Variants in C9orf40 observed in about 807,000 individuals in gnomAD.
C9orf40 encodes the protein uncharacterized protein C9orf40.
Under a neutral mutation model 7.9 loss-of-function variants are expected in C9orf40, and 2 were observed. That is an observed-to-expected ratio of 0.25 (90% CI 0.10 to 0.80). C9orf40 has a LOEUF of 0.80. C9orf40 is among the 30% of genes least tolerant of loss of function. C9orf40 has a pLI of 0.68. For missense variants in C9orf40, 256 were observed against 268.5 expected, an observed-to-expected ratio of 0.95 and a Z score of 0.33; for synonymous variants, 113 against 117.6, an observed-to-expected ratio of 0.96 and a Z score of 0.25.
At position 74,952,762 on chromosome 9, in the gene C9orf40, CAGCTCGCGCAGGG is replaced by C; in HGVS notation, c.-164_-152del. On this transcript the variant is annotated 5_prime_UTR_variant, in exon 1 of 2. Transcript: ENST00000376854. This position sits in a 1 kb window ranked among gnomAD's most constrained non-coding sequence, Gnocchi z 5.4. Reference sequence around the variant, plus strand: ...GGACGCTGGAGGGGGTAGGGCGGGGCAGCTCGCGCAGGGCCTAGGGCTGGGGCTCCGGCTCGGA... The same window carrying C: ...GGACGCTGGAGGGGGTAGGGCGGGGCCCTAGGGCTGGGGCTCCGGCTCGGA... The C allele has an allele frequency of 1.5e-6, 1 of 663,534 alleles. No homozygotes were observed. The highest frequency in any genetic ancestry group is 2.4e-6 in the Non-Finnish European group (1 of 411,260). The allele number at this position is 663,534 out of a possible 1,614,324, so 41.1% of individuals were successfully genotyped here. A position where few individuals can be genotyped will look rare whatever the true frequency, so the allele number is the denominator to read the frequency against.
Position 74,952,387 on chromosome 9 carries a change from G to T in C9orf40, c.225C>A (p.Asp75Glu). The change falls in exon 1 of 2, where the codon GAC becomes GAA. Residue 75 changes from aspartate (D) to glutamate (E), a missense_variant. Transcript: ENST00000376854. The surrounding 1 kb of genome is among the most constrained non-coding windows in gnomAD (Gnocchi z 5.4). ...EPSASPSKRRDSGDNSAPSGQ... is the reference protein window; with the variant it reads ...EPSASPSKRRESGDNSAPSGQ... The stretch of plus-strand genomic sequence containing the variant: ...CGCTCGGGGCGCTGTTGTCCCCGCT[G>T]TCACGGCGCTTGCTGGGCGAAGCCG... 6.3e-7 allele frequency: 1 copy of T among 1,576,440 alleles called. No homozygotes were observed.
rs549664253 is a variant in C9orf40 at position 74,948,131 on chromosome 9, T to C, written c.502A>G (p.Ile168Val). 21 of 1,613,924 alleles carry C rather than the reference T, an allele frequency of 1.3e-5. No homozygotes were observed. The East Asian group carries it at 2.5e-4, about 19-fold the overall frequency. ...AGGGTGTCTTCACTTAAATCTTCAA[T>C]GTCTGCCAGATCAATAGGAGGCAAA... Reference protein sequence around the residue: ...NPLPPIDLADIEDLSEDTLTE... With the variant: ...NPLPPIDLADVEDLSEDTLTE... Residue 168 changes from isoleucine to valine, a missense_variant, in exon 2 of 2, where the codon ATT becomes GTT. Physicochemically the swap from Ile to Val is conservative, Grantham distance 29 (BLOSUM62 3). Transcript: ENST00000376854.
chr9:74,949,347 A>T (rs1365133981), intron 1 of C9orf40, among the ~76,000 whole-genome samples: 1 of 152,218 alleles, frequency 6.6e-6, no homozygotes, highest in Non-Finnish European at 1.5e-5. Flanking sequence ...CAACAAAGCA[A>T]GACTCCATCT....
rs148219750 is a variant in C9orf40, at chr9:74,952,413, A to C, written c.199T>G (p.Ser67Ala). ...TCACGGCGCTTGCTGGGCGAAGCCG[A>C]GGGCTCTGCCATGGTCCCTGCGTCG... ...KIDAGTMAEP[S>A]ASPSKRRDSG... The change falls in exon 1 of 2, where the codon TCG becomes GCG. Residue 67 changes from serine to alanine, a missense_variant. Ser to Ala is a moderately conservative substitution (Grantham distance 99). Coordinates refer to ENST00000376854, the MANE Select transcript of C9orf40 (RefSeq NM_017998.3). This position sits in a 1 kb window ranked among gnomAD's most constrained non-coding sequence, Gnocchi z 5.4. The C allele has an allele frequency of 2.2e-5, 35 of 1,590,358 alleles. No individual in the cohort carries two copies. The highest frequency in any genetic ancestry group is 3.0e-5 in the Non-Finnish European group (35 of 1,174,598).
rs896785919 is a variant in C9orf40, at chr9:74,952,253, C to T, written c.359G>A (p.Gly120Asp). ...GCGCCCCGCCCCGTCGTCGCCACCG[C>T]CCCCCGGGAGCCGGGCGCCCGGGAG... is the stretch of plus-strand genomic sequence containing the variant. The part of the protein sequence containing the change: ...EELPGARLPG[G>D]GGDDGAGRAG... The change falls in exon 1 of 2, where the codon GGC becomes GAC. Residue 120 changes from glycine to aspartate, a missense_variant. Transcript: ENST00000376854. The surrounding 1 kb of genome is among the most constrained non-coding windows in gnomAD (Gnocchi z 5.4). 9 of 1,264,732 alleles carry T rather than the reference C, an allele frequency of 7.1e-6. No homozygotes were observed. Among genetic ancestry groups the T allele is most frequent in the Middle Eastern group, 3.0e-4 (1 of 3,344 alleles). The allele number at this position is 1,264,732 out of a possible 1,614,324, so 78.3% of individuals were successfully genotyped here. A position where few individuals can be genotyped will look rare whatever the true frequency, so the allele number is the denominator to read the frequency against.
At chr9:74,950,897 T>G (rs2118679555) in intron 1 of C9orf40, among the ~76,000 whole-genome samples, 1 of 152,310 alleles carries the variant, frequency 6.6e-6, no homozygotes, top group African/African-American at 2.4e-5. Context: ...AATAAATATA[T>G]AATGCTCCAA....
Position 74,952,163 on chromosome 9 carries a change from G to GGCCCCC in C9orf40, c.426+22_426+23insGGGGGC. On this transcript the variant is annotated intron_variant, in intron 1 of 1. Transcript: ENST00000376854. This position sits in a 1 kb window ranked among gnomAD's most constrained non-coding sequence, Gnocchi z 5.4. ...AAAAGGCAAGCCCCTTCGCCCCTCAGCCCACCCGCCCCCAGCCCCTACCTG... is the reference window on the plus strand; with the variant it reads ...AAAAGGCAAGCCCCTTCGCCCCTCAGGCCCCCCCCACCCGCCCCCAGCCCCTACCTG... 27 of 351,716 alleles carry GGCCCCC rather than the reference G, an allele frequency of 7.7e-5. No homozygotes were observed. The highest frequency in any genetic ancestry group is 8.8e-4 in the Middle Eastern group (1 of 1,140). 21.8% of individuals were successfully genotyped at this position (351,716 alleles called of 1,614,324 possible). A position where few individuals can be genotyped will look rare whatever the true frequency, so the allele number is the denominator to read the frequency against.
chr9:74,949,138 G>C (rs1243782502), intron 1 of C9orf40, among the ~76,000 whole-genome samples: 1 of 152,132 alleles, frequency 6.6e-6, no homozygotes, highest in Non-Finnish European at 1.5e-5. Context: ...ATTCAGGCTT[G>C]GCATAGTAAT....
In C9orf40 at chr9:74,948,043, T is replaced by C; in HGVS notation, c.*5A>G. The C allele has an allele frequency of 1.2e-6, 2 of 1,612,170 alleles. No homozygotes were observed. The highest frequency in any genetic ancestry group is 1.7e-5 in the Admixed American group (1 of 59,630). ...CAGCCAATCCCACTGCTTCGGCTCC[T>C]TACATCAGGACTCCATGTCAACCTC... On this transcript the variant is annotated 3_prime_UTR_variant, in exon 2 of 2. Coordinates refer to ENST00000376854, the MANE Select transcript of C9orf40 (RefSeq NM_017998.3).
intron 1 of C9orf40, among the ~76,000 whole-genome samples, chr9:74,949,203 G>C (rs1386575495): frequency 6.6e-6 from 1 of 152,094 alleles, no homozygotes; most frequent in Non-Finnish European, 1.5e-5. Context: ...ATTAATCACT[G>C]TCTCCTTAGA....
Position 74,952,697 on chromosome 9 carries a change from G to T in C9orf40, c.-86C>A. ...GGGGCGAAGAGCGAGGACTGAGCGCGTGAGAGAGGGACAGGCCGAAGTCGG... is the reference window on the plus strand; with the variant it reads ...GGGGCGAAGAGCGAGGACTGAGCGCTTGAGAGAGGGACAGGCCGAAGTCGG... On this transcript the variant is annotated 5_prime_UTR_variant, in exon 1 of 2. Coordinates refer to ENST00000376854, the MANE Select transcript of C9orf40 (RefSeq NM_017998.3). This position sits in a 1 kb window ranked among gnomAD's most constrained non-coding sequence, Gnocchi z 5.4. The T allele has an allele frequency of 7.8e-7, 1 of 1,281,258 alleles. No individual in the cohort carries two copies. Among genetic ancestry groups the T allele is most frequent in the South Asian group, 1.4e-5 (1 of 69,058 alleles). 79.4% of individuals were successfully genotyped at this position (1,281,258 alleles called of 1,614,324 possible).
At position 74,952,171 on chromosome 9, in the gene C9orf40, G is replaced by A. The variant is rs889473138; in HGVS notation, c.426+15C>T. The A allele has an allele frequency of 1.8e-5, 3 of 164,576 alleles. No individual in the cohort carries two copies. The highest frequency in any genetic ancestry group is 3.1e-5 in the Non-Finnish European group (3 of 97,246). The allele number at this position is 164,576 out of a possible 1,614,324, so 10.2% of individuals were successfully genotyped here. A position where few individuals can be genotyped will look rare whatever the true frequency, so the allele number is the denominator to read the frequency against. ...AGCCCCTTCGCCCCTCAGCCCACCC[G>A]CCCCCAGCCCCTACCTGGCGCGATG... On this transcript the variant is annotated intron_variant, in intron 1 of 1. Coordinates refer to ENST00000376854, the MANE Select transcript of C9orf40 (RefSeq NM_017998.3). This position sits in a 1 kb window ranked among gnomAD's most constrained non-coding sequence, Gnocchi z 5.4.
At position 74,952,087 on chromosome 9, in the gene C9orf40, T is replaced by C; in HGVS notation, c.426+99A>G. ...CCTTCTTTCAACCCCCTCAGGCGTC[T>C]TAACCTACACAAGTCATGAGTGGGA... On this transcript the variant is annotated intron_variant, in intron 1 of 1. Transcript: ENST00000376854. This position sits in a 1 kb window ranked among gnomAD's most constrained non-coding sequence, Gnocchi z 5.4. 1 of 457,100 alleles carries C rather than the reference T, an allele frequency of 2.2e-6. No homozygotes were observed. The highest frequency in any genetic ancestry group is 3.6e-6 in the Non-Finnish European group (1 of 276,344). The allele number at this position is 457,100 out of a possible 1,614,324, so 28.3% of individuals were successfully genotyped here.
At chr9:74,948,987 G>A (rs1832272242) in intron 1 of C9orf40, among the ~76,000 whole-genome samples, 1 of 152,124 alleles carries the variant, frequency 6.6e-6, no homozygotes, top group South Asian at 2.1e-4. Context: ...CCAAAAAAAG[G>A]TCTTTTAATT....
chr9:74,947,114 G>C lies in C9orf40; in HGVS notation c.*934C>G, dbSNP rs547154144. 6.6e-6 allele frequency: 1 copy of C among 152,536 alleles called. No individual in the cohort carries two copies. Among genetic ancestry groups the C allele is most frequent in the South Asian group, 2.1e-4 (1 of 4,832 alleles). 9.4% of individuals were successfully genotyped at this position (152,536 alleles called of 1,614,324 possible). A position where few individuals can be genotyped will look rare whatever the true frequency, so the allele number is the denominator to read the frequency against. ...GTTATCTCCTTTAAACAGGAAAAAC[G>C]ACCATTAGTCTACTGGTTCTCAACC... On this transcript the variant is annotated 3_prime_UTR_variant, in exon 2 of 2. Coordinates refer to ENST00000376854, the MANE Select transcript of C9orf40 (RefSeq NM_017998.3).
intron 1 of C9orf40, among the ~76,000 whole-genome samples, chr9:74,949,900 G>A (rs1487400926): frequency 2.6e-5 from 4 of 151,994 alleles, no homozygotes; most frequent in Non-Finnish European, 4.4e-5. Flanking sequence ...AGTGGCTCAC[G>A]CCTGTAATCC....
At position 74,952,162 on chromosome 9, in the gene C9orf40, A is replaced by T; in HGVS notation, c.426+24T>A. The T allele has an allele frequency of 2.5e-6, 1 of 399,272 alleles. No individual in the cohort carries two copies. The highest frequency in any genetic ancestry group is 4.0e-6 in the Non-Finnish European group (1 of 252,760). The allele number at this position is 399,272 out of a possible 1,614,324, so 24.7% of individuals were successfully genotyped here. On this transcript the variant is annotated intron_variant, in intron 1 of 1. Transcript: ENST00000376854. This position sits in a 1 kb window ranked among gnomAD's most constrained non-coding sequence, Gnocchi z 5.4. The stretch of plus-strand genomic sequence containing the variant: ...GAAAAGGCAAGCCCCTTCGCCCCTC[A>T]GCCCACCCGCCCCCAGCCCCTACCT...
intron 1 of C9orf40, among the ~76,000 whole-genome samples, chr9:74,951,211 C>G (rs1321993059): frequency 2.0e-5 from 3 of 152,178 alleles, no homozygotes; most frequent in African/African-American, 7.2e-5. Flanking sequence ...AGAGATGAGG[C>G]AGGCTCATGT....
At chr9:74,951,858 C>A (rs1026749272) in intron 1 of C9orf40, among the ~76,000 whole-genome samples, 1 of 152,356 alleles carries the variant, frequency 6.6e-6, no homozygotes, top group Non-Finnish European at 1.5e-5. Context: ...TATGCCCTGA[C>A]GGTCTGCGTT....
Sources: gnomAD v4.1 joint callset for allele counts (sites outside exome capture counted in the v4.1 genomes callset) on GRCh38, gnomAD v4.1.1 for gene constraint, Gnocchi (gnomAD v3.1) non-coding constraint, MANE v1.5 for transcripts, NCBI Gene and HGNC (gene_info 2026-07-23, HGNC 2026-07-21) for gene names.